The following MGST2 variants were observed in gnomAD, a reference collection of about 807,000 sequenced individuals.
The protein encoded by MGST2 is microsomal glutathione S-transferase 2.
In MGST2, 9 loss-of-function variants were observed where a neutral mutation model predicts 16.6. That is an observed-to-expected ratio of 0.54 (90% CI 0.33 to 0.95). The LOEUF (loss-of-function observed/expected upper bound fraction) is 0.95, where lower values mean the gene tolerates loss of function less well. MGST2 is among the 40% of genes least tolerant of loss of function. MGST2 has a pLI of 0.03. For missense variants in MGST2, 159 were observed against 175.1 expected, an observed-to-expected ratio of 0.91 and a Z score of 0.52; for synonymous variants, 79 against 68.0, an observed-to-expected ratio of 1.16 and a Z score of -0.79.
intron 5 of MGST2, among the ~76,000 whole-genome samples, chr4:139,714,922 C>T (rs1422775735): frequency 6.6e-6 from 1 of 152,160 alleles, no homozygotes; most frequent in Admixed American, 6.5e-5. Context: ...GGATCCTGTA[C>T]ATTCCTAATT....
chr4:139,685,788 C>T (rs1243975266), intron 2 of MGST2, among the ~76,000 whole-genome samples: 1 of 152,218 alleles, frequency 6.6e-6, no homozygotes, highest in South Asian at 2.1e-4. Flanking sequence ...CTCAGCCTCC[C>T]CAGTAGCTGG....
the MGST2 span, among the ~76,000 whole-genome samples, chr4:139,749,052 C>G: frequency 1.3e-5 from 2 of 152,194 alleles, no homozygotes; most frequent in Non-Finnish European, 2.9e-5. Flanking sequence ...CAACTAAAAA[C>G]AATCCAAAAG....
At chr4:139,753,341 A>AATCTATCT in the MGST2 span, among the ~76,000 whole-genome samples, 23,776 of 146,518 alleles carry the variant, frequency 0.16, 1,944 homozygotes, top group East Asian at 0.22. Flanking sequence ...TTTTCTTTTT[A>AATCTATCT]ATCTATCTAT....
intron 2 of MGST2, among the ~76,000 whole-genome samples, chr4:139,692,769 T>C (rs1369373840): frequency 6.6e-6 from 1 of 152,212 alleles, no homozygotes; most frequent in Non-Finnish European, 1.5e-5. Flanking sequence ...TCTTCCTCTT[T>C]CAGATAAGAG....
At chr4:139,707,053 A>G (rs1727546964), downstream of MGST2, among the ~76,000 whole-genome samples, 1 of 151,922 alleles carries the variant, frequency 6.6e-6, no homozygotes, top group Non-Finnish European at 1.5e-5. Context: ...TTTTATTTTT[A>G]TTTTATTATT....
chr4:139,670,132 C>T (rs1730594788), intron 1 of MGST2, among the ~76,000 whole-genome samples: 1 of 151,916 alleles, frequency 6.6e-6, no homozygotes, highest in Non-Finnish European at 1.5e-5. Flanking sequence ...CCAGCTGCAT[C>T]CTGTGCCTTG....
At chr4:139,679,299 G>T (rs1731122772) in intron 2 of MGST2, among the ~76,000 whole-genome samples, 6 of 152,110 alleles carry the variant, frequency 3.9e-5, no homozygotes, top group Admixed American at 3.9e-4. Context: ...TATATCATTG[G>T]GTTCTTTTGT....
intron 2 of MGST2, among the ~76,000 whole-genome samples, chr4:139,693,015 A>G (rs1204317324): frequency 3.3e-5 from 5 of 152,238 alleles, no homozygotes; most frequent in Non-Finnish European, 5.9e-5. Context: ...TTGAATAAAG[A>G]TATGTTGTGG....
chr4:139,699,664 G>A (rs1045727657), intron 3 of MGST2, among the ~76,000 whole-genome samples: 1 of 152,298 alleles, frequency 6.6e-6, no homozygotes, highest in South Asian at 2.1e-4. Flanking sequence ...GACCTGTGCA[G>A]TTCAAACCCA....
chr4:139,712,458 G>T (rs1291420397), intron 5 of MGST2, among the ~76,000 whole-genome samples: 1 of 152,230 alleles, frequency 6.6e-6, no homozygotes, highest in East Asian at 1.9e-4. Context: ...TGGTAAGACT[G>T]ATTTGCTTTA....
the MGST2 span, among the ~76,000 whole-genome samples, chr4:139,746,720 C>T: frequency 6.6e-6 from 1 of 152,166 alleles, no homozygotes; most frequent in Non-Finnish European, 1.5e-5. Context: ...TTCACCTCCC[C>T]CCTTCTCCTC....
At chr4:139,741,139 T>C (rs897004806), downstream of MGST2, among the ~76,000 whole-genome samples, 2 of 152,044 alleles carry the variant, frequency 1.3e-5, no homozygotes, top group Admixed American at 6.5e-5. Flanking sequence ...TTGAGGAGGC[T>C]AGGACTTAGA....
At chr4:139,693,183 C>T (rs1048878814) in intron 2 of MGST2, among the ~76,000 whole-genome samples, 3 of 151,334 alleles carry the variant, frequency 2.0e-5, no homozygotes, top group African/African-American at 4.9e-5. Flanking sequence ...TTTGGGAGGC[C>T]GAGGTGGGCG....
intron 1 of MGST2, among the ~76,000 whole-genome samples, chr4:139,671,923 C>G (rs765323815): frequency 6.6e-6 from 1 of 151,954 alleles, no homozygotes; most frequent in Admixed American, 6.6e-5. Flanking sequence ...ATTACAGGCA[C>G]GAACTACCGC....
chr4:139,697,441 C>A (rs1726990037), intron 3 of MGST2, among the ~76,000 whole-genome samples: 1 of 152,186 alleles, frequency 6.6e-6, no homozygotes, highest in Admixed American at 6.5e-5. Context: ...GAAGCTGCTT[C>A]TCCTGTTATC....
At chr4:139,753,194 C>A in the MGST2 span, among the ~76,000 whole-genome samples, 1 of 152,120 alleles carries the variant, frequency 6.6e-6, no homozygotes, top group Non-Finnish European at 1.5e-5. Flanking sequence ...ATTTTAACTC[C>A]TTTTAAGTGT....
intron 5 of MGST2, chr4:139,725,874 T>C (rs553691737): frequency 2.1e-4 from 330 of 1,536,384 alleles, no homozygotes; most frequent in African/African-American, 4.1e-5. Context: ...AGAGGTGAGA[T>C]AGGGAGCAAG....
chr4:139,752,842 T>C, the MGST2 span, among the ~76,000 whole-genome samples: 1 of 152,160 alleles, frequency 6.6e-6, no homozygotes, highest in Non-Finnish European at 1.5e-5. Flanking sequence ...ATAACCATAG[T>C]TCTTCAGGCT....
At position 139,701,420 on chromosome 4, in the gene MGST2, C is replaced by T. The variant is rs1579330006; in HGVS notation, c.230-2035C>T. On this transcript the variant is annotated intron_variant, in intron 3 of 4. Coordinates refer to ENST00000265498, the MANE Select transcript of MGST2 (RefSeq NM_002413.5). ...CAGCTCTTTGCTTGGTCCGCTCGTT[C>T]CTGTCCTGTGGTGCCGATACAGATG... Among the ~76,000 whole-genome samples, 3 of 152,110 alleles carry T rather than the reference C, an allele frequency of 2.0e-5. No individual in the cohort carries two copies. In the East Asian group the frequency reaches 5.8e-4, roughly 29 times the overall value.
Sources: allele counts gnomAD v4.1 joint callset (sites outside exome capture counted in the v4.1 genomes callset), GRCh38; gene constraint gnomAD v4.1.1; transcripts MANE v1.5; gene names NCBI Gene and HGNC (gene_info 2026-07-23, HGNC 2026-07-21).